The following AHCYL2 variants were observed in gnomAD, a reference collection of about 807,000 sequenced individuals.
AHCYL2 encodes S-adenosylhomocysteine hydrolase-like protein 2.
AHCYL2 carries 28 observed loss-of-function variants against 81.4 expected under a neutral mutation model. The ratio of observed to expected loss-of-function variants is 0.34; its 90% CI spans 0.25 to 0.47. The LOEUF (loss-of-function observed/expected upper bound fraction) is 0.47. Among genes scored for constraint, AHCYL2 ranks in the 20% least tolerant of loss-of-function variants. The pLI, the probability that AHCYL2 is intolerant of heterozygous loss-of-function variation, is 1.00. For synonymous variants in AHCYL2, 272 were observed against 290.2 expected, an observed-to-expected ratio of 0.94 and a Z score of 0.64; for missense variants, 551 against 785.1, an observed-to-expected ratio of 0.70 and a Z score of 3.56.
chr7:129,417,170 G>A lies in AHCYL2; in HGVS notation c.1461+3482G>A, dbSNP rs145991930. Among the ~76,000 whole-genome samples the A allele has an allele frequency of 2.6e-4, 39 of 152,288 alleles. 1 individual carries two copies. In the East Asian group the frequency reaches 7.5e-3, roughly 29 times the overall value. The stretch of plus-strand genomic sequence containing the variant: ...AAAAAGATGATATTTGAGGCAGACT[G>A]GAAGGAATTTGCCATGTGGATTTTT... On this transcript the variant is annotated intron_variant, in intron 12 of 16. Coordinates refer to ENST00000325006, the MANE Select transcript of AHCYL2 (RefSeq NM_015328.4).
In AHCYL2 at chr7:129,405,108, T is replaced by C; in HGVS notation, c.1037T>C (p.Leu346Pro). Residue 346 changes from leucine to proline, a missense_variant, in exon 8 of 17, where the codon CTG becomes CCG. By Grantham distance (98) the Leu-to-Pro change is moderately conservative. Coordinates refer to ENST00000325006, the MANE Select transcript of AHCYL2 (RefSeq NM_015328.4). ...SVTGVHRLYQ[L>P]SKAGKLCVPA... ...TCCCTCATCCTCAGGCTGTACCAAC[T>C]GTCCAAAGCTGGGAAGCTGTGTGTT... 1.2e-6 allele frequency: 2 copies of C among 1,602,062 alleles called. No homozygotes were observed. The highest frequency in any genetic ancestry group is 1.7e-6 in the Non-Finnish European group (2 of 1,175,092).
At chr7:129,244,318 A>G (rs953702307) in intron 1 of AHCYL2, among the ~76,000 whole-genome samples, 7 of 152,044 alleles carry the variant, frequency 4.6e-5, no homozygotes, top group African/African-American at 1.7e-4. Flanking sequence ...TTTATTTTCC[A>G]TATGGATAAC....
chr7:129,232,355 C>T (rs1794477873), intron 1 of AHCYL2, among the ~76,000 whole-genome samples: 1 of 152,078 alleles, frequency 6.6e-6, no homozygotes, highest in Admixed American at 6.6e-5. Context: ...TTAACTTGTC[C>T]AAGGCTTTGT....
At chr7:129,232,564 G>A (rs1316131699) in intron 1 of AHCYL2, among the ~76,000 whole-genome samples, 2 of 152,208 alleles carry the variant, frequency 1.3e-5, no homozygotes, top group South Asian at 2.1e-4. Context: ...CCCGCCATCC[G>A]CCATCCATTA....
intron 1 of AHCYL2, among the ~76,000 whole-genome samples, chr7:129,338,535 A>T (rs1317399346): frequency 6.6e-6 from 1 of 152,208 alleles, no homozygotes; most frequent in African/African-American, 2.4e-5. Context: ...CCTGCAGTGG[A>T]TGTGAGTAGC....
At chr7:129,308,760 G>T (rs1584768217) in intron 1 of AHCYL2, among the ~76,000 whole-genome samples, 1 of 152,202 alleles carries the variant, frequency 6.6e-6, no homozygotes, top group African/African-American at 2.4e-5. Flanking sequence ...TACAACTGAA[G>T]AATAATTTGC....
chr7:129,394,566 G>C (rs1795633037), intron 4 of AHCYL2, among the ~76,000 whole-genome samples: 1 of 147,892 alleles, frequency 6.8e-6, no homozygotes, highest in South Asian at 2.1e-4. Context: ...TCCTGCCTCA[G>C]CCTCCCGAAT....
chr7:129,225,399 C>G lies in AHCYL2; in HGVS notation c.323C>G (p.Pro108Arg), dbSNP rs1393297429. 6.6e-7 allele frequency: 1 copy of G among 1,516,780 alleles called. No homozygotes were observed. The highest frequency in any genetic ancestry group is 8.8e-7 in the Non-Finnish European group (1 of 1,138,088). 94.0% of individuals were successfully genotyped at this position (1,516,780 alleles called of 1,614,324 possible). Residue 108 changes from proline to arginine, a missense_variant, in exon 1 of 17, where the codon CCC becomes CGC. By Grantham distance (103) the Pro-to-Arg change is moderately radical. Around this residue, in one of 2 missense-constraint regions of AHCYL2, gnomAD observed 235 missense variants for 242.1 expected, o/e 0.97. Transcript: ENST00000325006. ...HRDGGEALVS[P>R]DGTVTEAPRT... is the part of the protein sequence containing the mutation. The stretch of plus-strand genomic sequence containing the variant: ...GACGGCGGCGAGGCCCTGGTCAGCC[C>G]CGACGGCACCGTCACCGAGGCGCCG...
intron 1 of AHCYL2, among the ~76,000 whole-genome samples, chr7:129,290,599 A>G (rs1279426479): frequency 6.6e-6 from 1 of 152,008 alleles, no homozygotes; most frequent in Admixed American, 6.6e-5. Flanking sequence ...ACAGTAAAAA[A>G]TAATATGGTT....
chr7:129,381,193 T>C (rs1230722972), intron 2 of AHCYL2, among the ~76,000 whole-genome samples: 1 of 152,180 alleles, frequency 6.6e-6, no homozygotes, highest in East Asian at 1.9e-4. Flanking sequence ...TAAAGATTGA[T>C]ACTAAATAAT....
intron 1 of AHCYL2, among the ~76,000 whole-genome samples, chr7:129,353,859 C>T (rs1442501361): frequency 6.6e-6 from 1 of 150,590 alleles, no homozygotes; most frequent in Non-Finnish European, 1.5e-5. Context: ...AAGAGAAGCC[C>T]AAAGGAAACT....
rs141934074 is a variant in AHCYL2 at position 129,260,941 on chromosome 7, A to T, written c.363+35502A>T. 2.7e-4 allele frequency among the ~76,000 whole-genome samples: 41 copies of T among 152,242 alleles called. 1 individual carries two copies. In the East Asian group the frequency reaches 7.9e-3, roughly 29 times the overall value. On this transcript the variant is annotated intron_variant, in intron 1 of 16. Coordinates refer to ENST00000325006, the MANE Select transcript of AHCYL2 (RefSeq NM_015328.4). ...GTAGCTGGGATTACAGGCGTACGCC[A>T]CCACCCTCGGCTAATTTTTTGTATC...
At position 129,395,066 on chromosome 7, in the gene AHCYL2, G is replaced by A. The variant is rs1372358063; in HGVS notation, c.721-2156G>A. Among the ~76,000 whole-genome samples, 7 of 151,432 alleles carry A rather than the reference G, an allele frequency of 4.6e-5. No individual in the cohort carries two copies. The East Asian group carries it at 5.8e-4, about 13-fold the overall frequency. On this transcript the variant is annotated intron_variant, in intron 4 of 16. Transcript: ENST00000325006. ...ATTGAGTGGTAGTATATTAGTTTTC[G>A]TTATAGTCATGAATTGGGCTGAATT...
rs956723491 is a variant in AHCYL2, at chr7:129,406,709, T to A, written c.1295+243T>A. ...GGGATTCTGTCAGCCAGAGAACAGG[T>A]AGCCCCTTACCTTCTCCATGTATGA... On this transcript the variant is annotated intron_variant, in intron 10 of 16. Coordinates refer to ENST00000325006, the MANE Select transcript of AHCYL2 (RefSeq NM_015328.4). This position sits in a 1 kb window ranked among gnomAD's most constrained non-coding sequence, Gnocchi z 4.3. 6.6e-6 allele frequency among the ~76,000 whole-genome samples: 1 copy of A among 152,176 alleles called. No individual in the cohort carries two copies. Among genetic ancestry groups the A allele is most frequent in the Admixed American group, 6.5e-5 (1 of 15,278 alleles).
chr7:129,225,688 T>A (rs1794188233), intron 1 of AHCYL2, among the ~76,000 whole-genome samples: 1 of 152,020 alleles, frequency 6.6e-6, no homozygotes, highest in Non-Finnish European at 1.5e-5. Flanking sequence ...CCCCTACTAC[T>A]TGGAATAGGC....
intron 4 of AHCYL2, among the ~76,000 whole-genome samples, chr7:129,390,015 G>A (rs1795390773): frequency 6.6e-6 from 1 of 151,972 alleles, no homozygotes; most frequent in Non-Finnish European, 1.5e-5. Context: ...TGTCTGTGGG[G>A]GATAAGTTTC....
At chr7:129,286,760 T>C (rs1251615139) in intron 1 of AHCYL2, among the ~76,000 whole-genome samples, 2 of 151,710 alleles carry the variant, frequency 1.3e-5, no homozygotes, top group Non-Finnish European at 2.9e-5. Flanking sequence ...CACTTCCAGC[T>C]CCTTTACACT....
chr7:129,405,770 T>C, intron 8 of AHCYL2, 66 bp from the exon 9 acceptor site: 1 of 1,428,140 alleles, frequency 7.0e-7, no homozygotes, highest in East Asian at 2.4e-5. Flanking sequence ...AACAAAGAGA[T>C]TCAATCTAAC....
At chr7:129,291,264 A>G (rs1050310558) in intron 1 of AHCYL2, among the ~76,000 whole-genome samples, 3 of 152,192 alleles carry the variant, frequency 2.0e-5, no homozygotes, top group Admixed American at 2.0e-4. Flanking sequence ...CTAAGTACCC[A>G]CAATATGTGA....
Sources: gnomAD v4.1 joint callset for allele counts (sites outside exome capture counted in the v4.1 genomes callset) on GRCh38, gnomAD v4.1.1 for gene constraint, gnomAD v4.1.1 regional missense constraint, Gnocchi (gnomAD v3.1) non-coding constraint, MANE v1.5 for transcripts, NCBI Gene and HGNC (gene_info 2026-07-23, HGNC 2026-07-21) for gene names.